Variants in C1QTNF5 observed in about 807,000 individuals in gnomAD.
The protein encoded by C1QTNF5 is C1q and TNF related 5, also known as complement C1q tumor necrosis factor-related protein 5.
In C1QTNF5, 5 loss-of-function variants were observed where a neutral mutation model predicts 10.9. The ratio of observed to expected loss-of-function variants is 0.46; its 90% CI spans 0.24 to 0.97. The LOEUF is 0.97. Among genes scored for constraint, C1QTNF5 ranks in the 50% least tolerant of loss-of-function variants. The pLI, the probability that C1QTNF5 is intolerant of heterozygous loss-of-function variation, is 0.19. For synonymous variants in C1QTNF5, 161 were observed against 156.5 expected (o/e 1.03, Z -0.22); for missense variants, 281 against 339.4 (o/e 0.83, Z 1.35).
At chr11:119,342,589 T>A, upstream of C1QTNF5, 1 of 1,612,884 alleles carries the variant, frequency 6.2e-7, no homozygotes, top group South Asian at 1.1e-5. Context: ...AGGGGCAGGC[T>A]TCTCACCTGG....
upstream of C1QTNF5, chr11:119,341,865 C>T (rs770293747): frequency 2.9e-5 from 47 of 1,613,886 alleles, no homozygotes; most frequent in East Asian, 2.0e-4. Context: ...ACCTTGTAAC[C>T]GCTGAGGACC....
At chr11:119,345,021 TG>T (rs772235270), upstream of C1QTNF5, 36 of 1,598,304 alleles carry the variant, frequency 2.3e-5, no homozygotes, top group African/African-American at 2.7e-5. Context: ...GAAGCCAGGT[TG>T]GGGGTGAGGG....
chr11:119,343,746 C>T, upstream of C1QTNF5: 1 of 1,589,648 alleles, frequency 6.3e-7, no homozygotes. Context: ...ATGTGCTGGG[C>T]CGACATGGAA....
chr11:119,345,313 C>T (rs1013501734), upstream of C1QTNF5: 5 of 1,176,652 alleles, frequency 4.2e-6, no homozygotes, highest in Non-Finnish European at 6.2e-6. Flanking sequence ...GAGGTCTAGT[C>T]TCTCAATTTC....
chr11:119,342,801 G>A, upstream of C1QTNF5: 2 of 1,613,086 alleles, frequency 1.2e-6, no homozygotes, highest in Non-Finnish European at 1.7e-6. Flanking sequence ...GTCCTGACCA[G>A]GGTCCAGAGC....
intron 1 of C1QTNF5, 91 bp downstream of exon 1, chr11:119,340,604 G>C: frequency 1.7e-6 from 1 of 575,708 alleles, no homozygotes; most frequent in South Asian, 2.1e-5. Context: ...GAGAGGGTGG[G>C]AGCGGCCAGC....
chr11:119,344,435 C>T (rs1950537665), upstream of C1QTNF5: 2 of 1,590,684 alleles, frequency 1.3e-6, no homozygotes, highest in African/African-American at 1.3e-5. Flanking sequence ...AGGATCTGTG[C>T]CTCCATCCAA....
At chr11:119,345,602 GC>G (rs1255458368), upstream of C1QTNF5, 2 of 1,613,816 alleles carry the variant, frequency 1.2e-6, no homozygotes, top group Non-Finnish European at 1.7e-6. Flanking sequence ...TGCTGAAGAA[GC>G]CCCTTGGGCC....
At position 119,339,901 on chromosome 11, in the gene C1QTNF5, C is replaced by G; in HGVS notation, c.215-53G>C. 1 of 1,430,262 alleles carries G rather than the reference C, an allele frequency of 7.0e-7. No individual in the cohort carries two copies. The highest frequency in any genetic ancestry group is 9.1e-7 in the Non-Finnish European group (1 of 1,099,486). 88.6% of individuals were successfully genotyped at this position (1,430,262 alleles called of 1,614,324 possible). On this transcript the variant is annotated intron_variant, in intron 2 of 2. Coordinates refer to ENST00000528368, the MANE Select transcript of C1QTNF5 (RefSeq NM_001278431.2). This position sits in a 1 kb window ranked among gnomAD's most constrained non-coding sequence, Gnocchi z 5.4. ...AGAGTAGCGGCGGCTCAGCCCGCAG[C>G]GGGGCGGCGACTCTAAGGTCACCGT...
rs1565291857 is a variant in C1QTNF5, at chr11:119,340,714, A to G, written c.-63T>C. 2 of 387,952 alleles carry G rather than the reference A, an allele frequency of 5.2e-6. No individual in the cohort carries two copies. The highest frequency in any genetic ancestry group is 9.3e-6 in the Non-Finnish European group (2 of 216,054). The allele number at this position is 387,952 out of a possible 1,614,324, so 24.0% of individuals were successfully genotyped here. On this transcript the variant is annotated 5_prime_UTR_variant, in exon 1 of 3. Coordinates refer to ENST00000528368, the MANE Select transcript of C1QTNF5 (RefSeq NM_001278431.2). ...ACTCACCCCCCCTCCCGGCTCCCCGATGGCCTCCTTCGGGGCGCTCGCTAC... is the reference window on the plus strand; with the variant it reads ...ACTCACCCCCCCTCCCGGCTCCCCGGTGGCCTCCTTCGGGGCGCTCGCTAC...
upstream of C1QTNF5, chr11:119,345,085 C>T (rs555188451): frequency 4.6e-5 from 71 of 1,532,866 alleles, no homozygotes; most frequent in Non-Finnish European, 1.8e-6. Flanking sequence ...CCTTGCAGTC[C>T]TATTTTCTCA....
At chr11:119,341,793 T>C, upstream of C1QTNF5, 1 of 1,613,300 alleles carries the variant, frequency 6.2e-7, no homozygotes, top group Non-Finnish European at 8.5e-7. Flanking sequence ...AGAGTGGCCT[T>C]CAGGCACCTG....
At chr11:119,341,989 A>G, upstream of C1QTNF5, 2 of 1,613,310 alleles carry the variant, frequency 1.2e-6, no homozygotes, top group Non-Finnish European at 1.7e-6. Context: ...CCAGCTCTGC[A>G]GGGGTGGAGG....
In C1QTNF5 at chr11:119,339,465, C is replaced by G. The variant is rs763473287; in HGVS notation, c.598G>C (p.Glu200Gln). 17 of 1,613,798 alleles carry G rather than the reference C, an allele frequency of 1.1e-5. No homozygotes were observed. In the Admixed American group the frequency reaches 2.8e-4, roughly 27 times the overall value. Residue 200 changes from glutamate (E) to glutamine (Q), a missense_variant, in exon 3 of 3, where the codon GAG (glutamate) becomes CAG (glutamine). Physicochemically the swap from Glu to Gln is conservative, Grantham distance 29. Coordinates refer to ENST00000528368, the MANE Select transcript of C1QTNF5 (RefSeq NM_001278431.2). The surrounding 1 kb of genome is among the most constrained non-coding windows in gnomAD (Gnocchi z 5.4). ...TGCACCCACACTTGGTCCTCAGGCT[C>G]CAGCCTCACCATGGCCCCCCCCGAG... ...SLSGGAMVRLEPEDQVWVQVG... is the reference protein window; with the variant it reads ...SLSGGAMVRLQPEDQVWVQVG...
upstream of C1QTNF5, chr11:119,343,946 A>C (rs1323876798): frequency 6.2e-7 from 1 of 1,613,038 alleles, no homozygotes; most frequent in African/African-American, 1.3e-5. Flanking sequence ...GCAGGCACCG[A>C]GATATGCCAG....
At position 119,340,518 on chromosome 11, in the gene C1QTNF5, C is replaced by T. The variant is rs986374395; in HGVS notation, c.-43-78G>A. 17 of 1,081,040 alleles carry T rather than the reference C, an allele frequency of 1.6e-5. No homozygotes were observed. In the Admixed American group the frequency reaches 3.3e-4, roughly 21 times the overall value. 67.0% of individuals were successfully genotyped at this position (1,081,040 alleles called of 1,614,324 possible). A position where few individuals can be genotyped will look rare whatever the true frequency, so the allele number is the denominator to read the frequency against. The stretch of plus-strand genomic sequence containing the variant: ...TCTCCCCACCCCGGCGCGGCCCAGT[C>T]GGTCCCCACCCCACTGCCGTGCCCC... On this transcript the variant is annotated intron_variant, in intron 1 of 2. Coordinates refer to ENST00000528368, the MANE Select transcript of C1QTNF5 (RefSeq NM_001278431.2).
intron 1 of C1QTNF5, 40 bp downstream of exon 1, chr11:119,340,655 T>G: frequency 1.9e-6 from 1 of 519,788 alleles, no homozygotes. Flanking sequence ...TTTCCCACAG[T>G]CCCCTCCCCA....
upstream of C1QTNF5, chr11:119,345,917 C>T (rs762783866): frequency 1.2e-6 from 2 of 1,613,612 alleles, no homozygotes; most frequent in East Asian, 2.2e-5. Flanking sequence ...GATGGGGGTG[C>T]AGCCTGCAGC....
intron 2 of C1QTNF5, 82 bp downstream of exon 2, chr11:119,340,102 C>T (rs1192686847): frequency 7.7e-6 from 11 of 1,429,858 alleles, no homozygotes; most frequent in Non-Finnish European, 9.2e-6. Context: ...GCGGGAGACC[C>T]GAGTCCCGGA....
Sources: allele counts gnomAD v4.1 joint callset, GRCh38; gene constraint gnomAD v4.1.1; non-coding constraint Gnocchi (gnomAD v3.1); transcripts MANE v1.5; gene names NCBI Gene and HGNC (gene_info 2026-07-23, HGNC 2026-07-21).